CLCA4: variants seen among roughly 807,000 people sequenced by gnomAD.
CLCA4 encodes the protein chloride channel accessory 4, also known as calcium-activated chloride channel regulator 4.
A neutral mutation model predicts 78.9 loss-of-function variants in CLCA4; 69 were observed. The observed-to-expected ratio is 0.87, with a 90% confidence interval of 0.72 to 1.07. The LOEUF is 1.07. Among genes scored for constraint, CLCA4 ranks in the 50% least tolerant of loss-of-function variants. The pLI is 0.00. For synonymous variants in CLCA4, 362 were observed against 375.8 expected (o/e 0.96, Z 0.42); for missense variants, 1,133 against 1,095.8 (o/e 1.03, Z -0.48).
chr1:86,579,210 C>T (rs141284277), intron 12 of CLCA4, 144 bp from the exon 13 acceptor site: 293 of 643,290 alleles, frequency 4.6e-4, no homozygotes, highest in Non-Finnish European at 5.6e-4. Flanking sequence ...ACCAGTTGGG[C>T]GCTTATGATT....
chr1:86,575,193 C>T (rs549196806), intron 10 of CLCA4, 139 bp from the exon 11 acceptor site: 3 of 714,010 alleles, frequency 4.2e-6, no homozygotes, highest in Middle Eastern at 3.7e-4. Context: ...ACTGCCTCAG[C>T]CCTTACCCAT....
At chr1:86,550,544 G>A (rs530082745) in intron 1 of CLCA4, among the ~76,000 whole-genome samples, 2 of 151,566 alleles carry the variant, frequency 1.3e-5, no homozygotes, top group African/African-American at 2.4e-5. Flanking sequence ...ATATCTTCAA[G>A]AAACCCTATG....
chr1:86,578,464 C>T (rs531229742), intron 12 of CLCA4, among the ~76,000 whole-genome samples: 12 of 152,162 alleles, frequency 7.9e-5, no homozygotes, highest in African/African-American at 2.9e-4. Context: ...CCAAACTCCA[C>T]CCTCAAGTAG....
At position 86,575,546 on chromosome 1, in the gene CLCA4, T is replaced by C; in HGVS notation, c.1898T>C (p.Ile633Thr). 6 of 1,613,368 alleles carry C rather than the reference T, an allele frequency of 3.7e-6. No homozygotes were observed. The highest frequency in any genetic ancestry group is 5.1e-6 in the Non-Finnish European group (6 of 1,179,518). ...CTTGGAGCCAATGTGACTGCTTTCA[T>C]TGAATCACAGAATGGACATACAGAA... ...PVLGANVTAF[I>T]ESQNGHTEVL... The change falls in exon 11 of 14, where the codon ATT (isoleucine) becomes ACT (threonine). Residue 633 changes from isoleucine to threonine, a missense_variant. By Grantham distance (89) the Ile-to-Thr change is moderately conservative (BLOSUM62 -1). Transcript: ENST00000370563.
chr1:86,556,981 T>C (rs1414182234), intron 1 of CLCA4, among the ~76,000 whole-genome samples: 1 of 152,200 alleles, frequency 6.6e-6, no homozygotes, highest in Non-Finnish European at 1.5e-5. Context: ...TTTGTGTCTT[T>C]AGAGGTGTTC....
chr1:86,569,911 G>T (rs1468229034), intron 7 of CLCA4, among the ~76,000 whole-genome samples: 2 of 151,892 alleles, frequency 1.3e-5, no homozygotes, highest in African/African-American at 4.8e-5. Context: ...TGCAAGAAAA[G>T]GAGAGGTGAA....
At chr1:86,566,046 G>A in intron 6 of CLCA4, 26 bp downstream of exon 6, 2 of 1,583,830 alleles carry the variant, frequency 1.3e-6, no homozygotes, top group South Asian at 1.1e-5. Flanking sequence ...CTGGATATAG[G>A]GATGTAGGAT....
chr1:86,565,199 G>T (rs950887296), intron 4 of CLCA4, 75 bp from the exon 5 acceptor site: 30 of 1,031,572 alleles, frequency 2.9e-5, no homozygotes, highest in Non-Finnish European at 3.4e-5. Flanking sequence ...AGTTCATCAT[G>T]AATAGAACCA....
At chr1:86,553,367 T>G in intron 1 of CLCA4, 1 of 549,634 alleles carries the variant, frequency 1.8e-6, no homozygotes, top group Non-Finnish European at 3.3e-6. Context: ...AACGGTTATC[T>G]GGGTCCTGCC....
Position 86,565,338 on chromosome 1 carries a change from A to G in CLCA4, c.622A>G (p.Arg208Gly). ...GTGTCAAGGAGGCAGCTGTCTTAGT[A>G]GAGCATGCAGAATTGATTCTACAAC... The part of the protein sequence containing the change: ...YKCQGGSCLS[R>G]ACRIDSTTKL... Residue 208 changes from arginine (R) to glycine (G), a missense_variant, in exon 5 of 14, where the codon AGA (arginine) becomes GGA (glycine). Arg to Gly is a moderately radical substitution (Grantham distance 125). Coordinates refer to ENST00000370563, the MANE Select transcript of CLCA4 (RefSeq NM_012128.4). 1 of 1,610,392 alleles carries G rather than the reference A, an allele frequency of 6.2e-7. No individual in the cohort carries two copies. Among genetic ancestry groups the G allele is most frequent in the Non-Finnish European group, 8.5e-7 (1 of 1,177,316 alleles).
chr1:86,559,955 G>A lies in CLCA4; in HGVS notation c.183G>A (p.Thr61=), dbSNP rs555214755. 1.2e-5 allele frequency: 20 copies of A among 1,600,184 alleles called. No homozygotes were observed. Among genetic ancestry groups the A allele is most frequent in the East Asian group, 1.1e-4 (5 of 44,656 alleles). The change falls in exon 2 of 14, where the codon ACG becomes ACA. Residue 61 remains threonine (T), a synonymous_variant. Coordinates refer to ENST00000370563, the MANE Select transcript of CLCA4 (RefSeq NM_012128.4). ...QIEDMVTTAS[T]YLFEATEKRF... is the part of the protein sequence containing the mutation. ...AGGATATGGTGACTACAGCTTCTAC[G>A]TACCTGTTTGAAGCCACAGAAAAAA...
intron 1 of CLCA4, among the ~76,000 whole-genome samples, chr1:86,556,257 G>C (rs114028922): frequency 0.053 from 7,999 of 152,242 alleles, 289 homozygotes; most frequent in Middle Eastern, 0.082. Context: ...GGAGTGGTGA[G>C]AGACAGCATC....
intron 1 of CLCA4, among the ~76,000 whole-genome samples, chr1:86,559,218 A>G (rs1649940213): frequency 6.6e-6 from 1 of 152,156 alleles, no homozygotes; most frequent in South Asian, 2.1e-4. Context: ...AGTTCTGAAT[A>G]TAAGGTGATA....
At chr1:86,560,995 A>G (rs533174420) in intron 3 of CLCA4, among the ~76,000 whole-genome samples, 11 of 152,258 alleles carry the variant, frequency 7.2e-5, no homozygotes, top group Non-Finnish European at 7.3e-5. Context: ...GGAGGGCTCT[A>G]CACATGTATC....
intron 1 of CLCA4, among the ~76,000 whole-genome samples, chr1:86,554,933 TG>T (rs1199405299): frequency 3.3e-5 from 5 of 152,082 alleles, no homozygotes; most frequent in Admixed American, 1.3e-4. Context: ...TGGGTTTTTT[TG>T]TGTGTGTGTT....
chr1:86,549,394 A>C (rs1649592141), intron 1 of CLCA4, among the ~76,000 whole-genome samples: 1 of 152,216 alleles, frequency 6.6e-6, no homozygotes, highest in Non-Finnish European at 1.5e-5. Flanking sequence ...GACCACCAGA[A>C]AGACTTTGAC....
In CLCA4 at chr1:86,579,528, A is replaced by T. The variant is rs376216861; in HGVS notation, c.2297A>T (p.His766Leu). The change falls in exon 13 of 14, where the codon CAT (histidine) becomes CTT (leucine). Residue 766 changes from histidine (H) to leucine (L), a missense_variant. His to Leu is a moderately conservative substitution (Grantham distance 99, BLOSUM62 -3). Coordinates refer to ENST00000370563, the MANE Select transcript of CLCA4 (RefSeq NM_012128.4). ...SQITDLDATV[H>L]EDKIILTWTA... ...ATCACAGACCTTGATGCCACAGTTC[A>T]TGAGGATAAGATTATTCTTACATGG... 1.9e-6 allele frequency: 3 copies of T among 1,613,052 alleles called. No individual in the cohort carries two copies. Among genetic ancestry groups the T allele is most frequent in the Non-Finnish European group, 2.5e-6 (3 of 1,179,398 alleles).
At chr1:86,563,460 GAAGAT>G (rs1237231109) in intron 3 of CLCA4, among the ~76,000 whole-genome samples, 196 bp from the exon 4 acceptor site, 6 of 151,764 alleles carry the variant, frequency 4.0e-5, no homozygotes, top group African/African-American at 1.4e-4. Flanking sequence ...CGTGGAATAA[GAAGAT>G]AATATATTAC....
chr1:86,554,637 A>G (rs145610909), intron 1 of CLCA4, among the ~76,000 whole-genome samples: 96 of 152,260 alleles, frequency 6.3e-4, no homozygotes, highest in African/African-American at 2.3e-3. Context: ...GCTATTGTGA[A>G]TAGTGCTGCT....
Sources: gnomAD v4.1 joint callset for allele counts (sites outside exome capture counted in the v4.1 genomes callset) on GRCh38, gnomAD v4.1.1 for gene constraint, MANE v1.5 for transcripts, NCBI Gene and HGNC (gene_info 2026-07-23, HGNC 2026-07-21) for gene names.